SIPA1L2: variants seen among roughly 807,000 people sequenced by gnomAD.
SIPA1L2 encodes the protein signal induced proliferation associated 1 like 2, also known as signal-induced proliferation-associated 1-like protein 2.
Under a neutral mutation model 163.9 loss-of-function variants are expected in SIPA1L2, and 56 were observed. The observed-to-expected ratio is 0.34, with a 90% CI of 0.28 to 0.43. SIPA1L2 has a LOEUF of 0.43. Among genes scored for constraint, SIPA1L2 ranks in the 20% least tolerant of loss-of-function variants. The pLI, the probability that SIPA1L2 is intolerant of heterozygous loss-of-function variation, is 1.00. For missense variants in SIPA1L2, 1,974 were observed against 2,193.5 expected, an observed-to-expected ratio of 0.90 and a Z score of 2.00; for synonymous variants, 877 against 865.7, an observed-to-expected ratio of 1.01 and a Z score of -0.23.
At chr1:232,488,448 A>C (rs1665758779) in intron 5 of SIPA1L2, among the ~76,000 whole-genome samples, 1 of 152,160 alleles carries the variant, frequency 6.6e-6, no homozygotes, top group Non-Finnish European at 1.5e-5. Context: ...CTGGGATGTT[A>C]AAAAAGTTGC....
At chr1:232,429,417 G>C (rs1662094125) in intron 16 of SIPA1L2, among the ~76,000 whole-genome samples, 1 of 152,122 alleles carries the variant, frequency 6.6e-6, no homozygotes, top group Non-Finnish European at 1.5e-5. Context: ...TCAAAAGCCA[G>C]GCTATCTTAT....
intron 2 of SIPA1L2, among the ~76,000 whole-genome samples, chr1:232,543,873 C>CATATAAAATAT (rs1357987403): frequency 6.6e-6 from 1 of 151,996 alleles, no homozygotes; most frequent in Non-Finnish European, 1.5e-5. Context: ...ATCTCAAAAA[C>CATATAAAATAT]AAAACATATA....
chr1:232,518,187 A>G (rs1345195206), intron 2 of SIPA1L2, among the ~76,000 whole-genome samples: 3 of 152,254 alleles, frequency 2.0e-5, no homozygotes, highest in Non-Finnish European at 4.4e-5. Context: ...AAGGTATCTC[A>G]GAATATTCCT....
intron 1 of SIPA1L2, among the ~76,000 whole-genome samples, chr1:232,603,636 G>A (rs1414865417): frequency 1.3e-5 from 2 of 152,010 alleles, no homozygotes; most frequent in Admixed American, 6.6e-5. Context: ...GACAAGACTG[G>A]GGCAGCACCA....
rs144589531 is a variant in SIPA1L2 at position 232,437,461 on chromosome 1, G to T, written c.4031+1647C>A. ...TTATTAAATAGAACTGGTAAAAAAAGTAGTAGGAATGTCTATTTTGAAAAT... is the reference window on the plus strand; with the variant it reads ...TTATTAAATAGAACTGGTAAAAAAATTAGTAGGAATGTCTATTTTGAAAAT... On this transcript the variant is annotated intron_variant, in intron 15 of 22. Transcript: ENST00000674635. Among the ~76,000 whole-genome samples, 41 of 152,316 alleles carry T rather than the reference G, an allele frequency of 2.7e-4. No homozygotes were observed. The Middle Eastern group carries it at 0.01, about 38-fold the overall frequency.
chr1:232,579,564 T>C (rs1366549436), intron 1 of SIPA1L2, among the ~76,000 whole-genome samples: 1 of 152,214 alleles, frequency 6.6e-6, no homozygotes, highest in Non-Finnish European at 1.5e-5. Flanking sequence ...AACACAGCCA[T>C]TCCCATAAGG....
chr1:232,545,291 C>G (rs750707816), intron 2 of SIPA1L2, among the ~76,000 whole-genome samples: 24 of 152,198 alleles, frequency 1.6e-4, no homozygotes, highest in Non-Finnish European at 2.6e-4. Flanking sequence ...CACTTACTGA[C>G]TATATGATTT....
At chr1:232,483,458 C>T (rs1162445862) in intron 6 of SIPA1L2, among the ~76,000 whole-genome samples, 1 of 151,962 alleles carries the variant, frequency 6.6e-6, no homozygotes, top group Non-Finnish European at 1.5e-5. Flanking sequence ...AGTGCTTGTC[C>T]TTGGTATACT....
chr1:232,420,214 T>TC (rs1221305778), intron 18 of SIPA1L2, among the ~76,000 whole-genome samples: 1 of 152,030 alleles, frequency 6.6e-6, no homozygotes, highest in Non-Finnish European at 1.5e-5. Flanking sequence ...TCCCAGTTAC[T>TC]CGGGAGGCTG....
intron 1 of SIPA1L2, among the ~76,000 whole-genome samples, chr1:232,578,078 C>A (rs1220813207): frequency 6.6e-6 from 1 of 152,154 alleles, no homozygotes; most frequent in Non-Finnish European, 1.5e-5. Context: ...AGTCAACAGC[C>A]ATCAACACTG....
At position 232,460,901 on chromosome 1, in the gene SIPA1L2, G is replaced by A. The variant is rs373954058; in HGVS notation, c.3081C>T (p.Asp1027=). Residue 1027 remains aspartate, a synonymous_variant, in exon 10 of 23, where the codon GAC becomes GAT. Coordinates refer to ENST00000674635, the MANE Select transcript of SIPA1L2 (RefSeq NM_020808.5). Reference sequence around the variant, plus strand: ...CCACGCCTTACCTTCGGGGCGAGCCGTCATCATGGGGCTGGATGATGACCA... The same window carrying A: ...CCACGCCTTACCTTCGGGGCGAGCCATCATCATGGGGCTGGATGATGACCA... ...VKVVIIQPHD[D]GSPRRGCSEL... 15 of 1,613,336 alleles carry A rather than the reference G, an allele frequency of 9.3e-6. No individual in the cohort carries two copies. The highest frequency in any genetic ancestry group is 1.7e-5 in the Admixed American group (1 of 60,014).
At chr1:232,556,587 G>A (rs1319615155) in intron 2 of SIPA1L2, among the ~76,000 whole-genome samples, 1 of 152,032 alleles carries the variant, frequency 6.6e-6, no homozygotes, top group Non-Finnish European at 1.5e-5. Flanking sequence ...TGTGTCATCC[G>A]GGAAAAACAA....
At chr1:232,542,327 C>T (rs543189509) in intron 2 of SIPA1L2, among the ~76,000 whole-genome samples, 2 of 152,316 alleles carry the variant, frequency 1.3e-5, no homozygotes, top group South Asian at 4.1e-4. Context: ...CTATGCCATG[C>T]TTAAAGATGT....
At chr1:232,403,978 T>C in intron 20 of SIPA1L2, 147 bp downstream of exon 20, 3 of 817,620 alleles carry the variant, frequency 3.7e-6, no homozygotes, top group Non-Finnish European at 5.9e-6. Flanking sequence ...CCGGAGAAGG[T>C]TCTGGAGACA....
intron 7 of SIPA1L2, among the ~76,000 whole-genome samples, chr1:232,476,193 A>T (rs1294477240): frequency 6.6e-6 from 1 of 152,136 alleles, no homozygotes; most frequent in African/African-American, 2.4e-5. Context: ...TCCACTATGG[A>T]GAAAAGGGCT....
chr1:232,402,599 G>A (rs1660412714), intron 21 of SIPA1L2, 126 bp from the exon 22 acceptor site: 2 of 709,720 alleles, frequency 2.8e-6, no homozygotes, highest in Admixed American at 3.1e-5. Flanking sequence ...ATTATATTAT[G>A]TCAGAATGGG....
Position 232,425,727 on chromosome 1 carries a change from C to A in SIPA1L2, c.4492G>T (p.Gly1498Trp), listed in dbSNP as rs763796681. ...SDESICSNRR[G>W]SSFGSSRSSV... ...CTCCGGGAACTGCCAAAGGAGGACC[C>A]CCTCCTGTTGCTGCAGATGCTCTCG... The change falls in exon 18 of 23, where the codon GGG becomes TGG. Residue 1498 changes from glycine (G) to tryptophan (W), a missense_variant. Gly to Trp is a radical substitution (Grantham distance 184). Coordinates refer to ENST00000674635, the MANE Select transcript of SIPA1L2 (RefSeq NM_020808.5). 6.2e-7 allele frequency: 1 copy of A among 1,614,106 alleles called. No individual in the cohort carries two copies. Among genetic ancestry groups the A allele is most frequent in the Non-Finnish European group, 8.5e-7 (1 of 1,180,000 alleles).
Position 232,629,987 on chromosome 1 carries a change from C to G in SIPA1L2, c.-437G>C, listed in dbSNP as rs1471681496. Among the ~76,000 whole-genome samples, 2 of 150,520 alleles carry G rather than the reference C, an allele frequency of 1.3e-5. No homozygotes were observed. The highest frequency in any genetic ancestry group is 3.0e-5 in the Non-Finnish European group (2 of 67,468). On this transcript the variant is annotated 5_prime_UTR_variant, in exon 1 of 23. Transcript: ENST00000674635. ...GCTGCCCATCGGCCCGGACTCTCCCCGCGCCGGGCTCCGGCGGAGGCGGCC... is the reference window on the plus strand; with the variant it reads ...GCTGCCCATCGGCCCGGACTCTCCCGGCGCCGGGCTCCGGCGGAGGCGGCC...
intron 18 of SIPA1L2, among the ~76,000 whole-genome samples, chr1:232,423,598 A>G (rs1004908514): frequency 1.3e-5 from 2 of 152,340 alleles, no homozygotes; most frequent in Admixed American, 1.3e-4. Flanking sequence ...AAAGAGAGCA[A>G]ATGGCAAGGA....
Sources: gnomAD v4.1 joint callset for allele counts (sites outside exome capture counted in the v4.1 genomes callset) on GRCh38, gnomAD v4.1.1 for gene constraint, MANE v1.5 for transcripts, NCBI Gene and HGNC (gene_info 2026-07-23, HGNC 2026-07-21) for gene names.